The following FRMPD4 variants were observed in gnomAD, a reference collection of about 807,000 sequenced individuals.
The protein encoded by FRMPD4 is FERM and PDZ domain containing 4, also known as FERM and PDZ domain-containing protein 4.
A neutral mutation model predicts 94.1 loss-of-function variants in FRMPD4; 22 were observed. The ratio of observed to expected loss-of-function variants is 0.23; its 90% CI spans 0.17 to 0.33. The LOEUF is 0.33. FRMPD4 is among the 10% of genes least tolerant of loss of function. The probability of loss-of-function intolerance (pLI) is 1.00; values close to 1 mark genes in which losing one functional copy is unlikely to be tolerated. For synonymous variants in FRMPD4, 631 were observed against 548.6 expected, an observed-to-expected ratio of 1.15 and a Z score of -2.10; for missense variants, 1,111 against 1,339.9, an observed-to-expected ratio of 0.83 and a Z score of 2.67.
At chrX:12,451,721 TGTGTGTATGCCC>T (rs1230148168) in intron 1 of FRMPD4, among the ~76,000 whole-genome samples, 6 of 89,812 alleles carry the variant, frequency 6.7e-5, no homozygotes, top group Non-Finnish European at 1.3e-4. Flanking sequence ...CTCAGTGATA[TGTGTGTATGCCC>T]GTGTGTGTGT....
chrX:12,619,218 C>A (rs1368172352), intron 4 of FRMPD4, among the ~76,000 whole-genome samples: 1 of 112,058 alleles, frequency 8.9e-6, no homozygotes, highest in Non-Finnish European at 1.9e-5. Context: ...TATTTATCTA[C>A]AGAGGGTTGC....
intron 1 of FRMPD4, 80 bp downstream of exon 1, chrX:12,139,092 T>C: frequency 1.2e-6 from 1 of 859,607 alleles, no homozygotes; most frequent in Non-Finnish European, 1.6e-6. Context: ...GGAGGCTGGG[T>C]AGAGGCAAAA....
intron 1 of FRMPD4, among the ~76,000 whole-genome samples, chrX:12,291,462 T>G (rs1055790541): frequency 2.7e-5 from 3 of 112,026 alleles, no homozygotes; most frequent in African/African-American, 9.7e-5. Flanking sequence ...CAAATGTCAT[T>G]TATATGCTAA....
chrX:12,442,328 A>G (rs1402438694), intron 1 of FRMPD4, among the ~76,000 whole-genome samples: 5 of 111,246 alleles, frequency 4.5e-5, no homozygotes, highest in Non-Finnish European at 7.5e-5. Context: ...GCACAGGATA[A>G]CTATGAACAC....
At chrX:12,192,997 T>C (rs772872424) in intron 1 of FRMPD4, among the ~76,000 whole-genome samples, 4 of 111,868 alleles carry the variant, frequency 3.6e-5, no homozygotes, top group Non-Finnish European at 5.7e-5. Flanking sequence ...AAAAATTTTG[T>C]TGGGCAAAAA....
intron 3 of FRMPD4, among the ~76,000 whole-genome samples, chrX:11,994,059 A>G (rs1007365304): frequency 1.8e-5 from 2 of 111,247 alleles, no homozygotes; most frequent in South Asian, 3.8e-4. Flanking sequence ...GTGCTTCTCA[A>G]CTGAGTGATT....
intron 1 of FRMPD4, among the ~76,000 whole-genome samples, chrX:11,852,456 A>AG (rs2053629650): frequency 9.2e-6 from 1 of 108,706 alleles, no homozygotes; most frequent in African/African-American, 3.3e-5. Context: ...AAAAAAAAAA[A>AG]AAAAAGAAAA....
intron 3 of FRMPD4, among the ~76,000 whole-genome samples, chrX:11,952,704 C>T (rs1436238417): frequency 2.7e-5 from 3 of 112,062 alleles, no homozygotes; most frequent in Admixed American, 1.9e-4. Context: ...TCGATAGCAT[C>T]TTACCCTGGG....
chrX:12,292,204 C>T (rs980850551), intron 1 of FRMPD4, among the ~76,000 whole-genome samples: 13 of 111,614 alleles, frequency 1.2e-4, no homozygotes, highest in Non-Finnish European at 2.4e-4. Context: ...AGCAGGACTT[C>T]GCTTTGGATT....
chrX:12,599,156 CCCT>C (rs756168940), intron 2 of FRMPD4, among the ~76,000 whole-genome samples: 91 of 110,922 alleles, frequency 8.2e-4, no homozygotes, highest in African/African-American at 2.9e-3. Flanking sequence ...GTGTCTTCAG[CCCT>C]CCTCCTCAAC....
intron 2 of FRMPD4, among the ~76,000 whole-genome samples, chrX:12,570,903 A>T (rs1346774501): frequency 8.9e-6 from 1 of 112,227 alleles, no homozygotes; most frequent in East Asian, 2.8e-4. Flanking sequence ...ATGGCAAGTA[A>T]TTAAAAATTT....
chrX:12,685,531 A>G (rs2060012939), intron 6 of FRMPD4, among the ~76,000 whole-genome samples: 1 of 108,623 alleles, frequency 9.2e-6, no homozygotes, highest in Non-Finnish European at 1.9e-5. Flanking sequence ...ACACTAAGCC[A>G]TTCCTTATCT....
rs959735668 is a variant in FRMPD4 at position 12,286,262 on chromosome X, G to GT, written c.41+147260dup. ...ATTATTTGCATTTTAGAAGAATCCT[G>GT]TTTTTTTTTTCTTGTGAGATAATCT... On this transcript the variant is annotated intron_variant, in intron 1 of 16. Transcript: ENST00000675598. Among the ~76,000 whole-genome samples, 61 of 104,278 alleles carry GT rather than the reference G, an allele frequency of 5.8e-4. No homozygotes were observed. The South Asian group carries it at 7.6e-3, about 13-fold the overall frequency. The allele number at this position is 104,278 out of a possible 115,157, so 90.6% of individuals were successfully genotyped here.
At chrX:11,877,064 A>G (rs2084222679) in intron 2 of FRMPD4, among the ~76,000 whole-genome samples, 1 of 111,918 alleles carries the variant, frequency 8.9e-6, no homozygotes, top group Non-Finnish European at 1.9e-5. Context: ...GGTCTAGAGA[A>G]AAGGAGACAT....
intron 1 of FRMPD4, among the ~76,000 whole-genome samples, chrX:12,178,790 G>C: frequency 1.8e-5 from 2 of 111,596 alleles, no homozygotes; most frequent in Non-Finnish European, 3.8e-5. Context: ...ATGGGGGTGG[G>C]GATCAAGGAA....
intron 1 of FRMPD4, among the ~76,000 whole-genome samples, chrX:12,166,534 A>C (rs1395757474): frequency 5.4e-5 from 6 of 111,493 alleles, no homozygotes; most frequent in South Asian, 7.6e-4. Flanking sequence ...TGTCTCTGCC[A>C]GGCTTTGGTA....
At chrX:11,915,151 G>A in intron 3 of FRMPD4, among the ~76,000 whole-genome samples, 1 of 112,359 alleles carries the variant, frequency 8.9e-6, no homozygotes, top group East Asian at 2.8e-4. Flanking sequence ...TGTTAACCTT[G>A]CAAATATAAA....
chrX:12,231,030 G>T (rs2407771), intron 1 of FRMPD4, among the ~76,000 whole-genome samples: 3 of 26,408 alleles, frequency 1.1e-4, no homozygotes, highest in East Asian at 2.1e-3. Flanking sequence ...TATATATATA[G>T]TATATATATA....
chrX:11,956,024 G>A (rs1344985401), intron 3 of FRMPD4, among the ~76,000 whole-genome samples: 1 of 112,197 alleles, frequency 8.9e-6, no homozygotes, highest in Admixed American at 9.4e-5. Flanking sequence ...GGAGGCAGAA[G>A]TAGGGCTGGT....
Sources: allele counts gnomAD v4.1 joint callset (sites outside exome capture counted in the v4.1 genomes callset), GRCh38; gene constraint gnomAD v4.1.1; transcripts MANE v1.5; gene names NCBI Gene and HGNC (gene_info 2026-07-23, HGNC 2026-07-21).